TENM3: variants seen among roughly 807,000 people sequenced by gnomAD.
TENM3 encodes the protein teneurin-3.
TENM3 carries 63 observed loss-of-function variants against 255.1 expected under a neutral mutation model. The observed-to-expected ratio is 0.25, with a 90% CI of 0.20 to 0.30. The LOEUF (loss-of-function observed/expected upper bound fraction) is 0.30. TENM3 is among the 10% of genes least tolerant of loss of function. The pLI, the probability that TENM3 is intolerant of heterozygous loss-of-function variation, is 1.00. For missense variants in TENM3, 2,929 were observed against 3,461.1 expected (o/e 0.85, Z 3.86); for synonymous variants, 1,306 against 1,322.3 (o/e 0.99, Z 0.27).
chr4:182,800,257 G>C lies in TENM3; in HGVS notation c.8006G>C (p.Gly2669Ala). 5.6e-6 allele frequency: 9 copies of C among 1,594,344 alleles called. No homozygotes were observed. Among genetic ancestry groups the C allele is most frequent in the Non-Finnish European group, 7.6e-6 (9 of 1,178,448 alleles). ...LSAGKVQGYD[G>A]YYVLSVEQYP... ...GCCGGCAAGGTGCAGGGCTACGACG[G>C]GTACTACGTACTCTCGGTGGAGCAG... is the stretch of plus-strand genomic sequence containing the variant. The change falls in exon 28 of 28, where the codon GGG becomes GCG. Residue 2669 changes from glycine to alanine, a missense_variant. This residue lies in a region of TENM3 where 476 missense variants were observed against 480.1 expected (regional missense o/e 0.99). Transcript: ENST00000511685.
the TENM3 span, among the ~76,000 whole-genome samples, chr4:181,451,031 C>A: frequency 6.6e-6 from 1 of 152,152 alleles, no homozygotes; most frequent in Non-Finnish European, 1.5e-5. Flanking sequence ...GCTATCATCA[C>A]CGTTTGTTCT....
chr4:181,764,671 A>G, the TENM3 span, among the ~76,000 whole-genome samples: 1 of 152,118 alleles, frequency 6.6e-6, no homozygotes, highest in African/African-American at 2.4e-5. Context: ...TTAGAGAATG[A>G]ATGTACACAT....
the TENM3 span, among the ~76,000 whole-genome samples, chr4:181,623,522 A>G: frequency 2.0e-5 from 3 of 152,222 alleles, no homozygotes; most frequent in Non-Finnish European, 4.4e-5. Context: ...AAATTATTCC[A>G]TTATCAACTT....
chr4:182,324,497 G>A (rs1421004994), intron 2 of TENM3, among the ~76,000 whole-genome samples: 4 of 152,202 alleles, frequency 2.6e-5, no homozygotes, highest in Admixed American at 2.6e-4. Flanking sequence ...CCTGCTATAC[G>A]TGAGGTTTAT....
chr4:181,839,071 C>T, the TENM3 span, among the ~76,000 whole-genome samples: 5 of 151,332 alleles, frequency 3.3e-5, no homozygotes, highest in South Asian at 4.2e-4. Context: ...TTGGCTATTT[C>T]GTTTTTGTTC....
chr4:181,479,713 C>T, the TENM3 span, among the ~76,000 whole-genome samples: 1 of 152,050 alleles, frequency 6.6e-6, no homozygotes, highest in Non-Finnish European at 1.5e-5. Context: ...AGATAAACAT[C>T]TTTTGAACTG....
chr4:181,679,748 GAATTACACTAAATA>G, the TENM3 span, among the ~76,000 whole-genome samples: 2 of 152,104 alleles, frequency 1.3e-5, no homozygotes, highest in African/African-American at 4.8e-5. Context: ...TATTGCGACT[GAATTACACTAAATA>G]GTGCATTTGT....
chr4:182,554,869 T>C (rs1742423731), intron 3 of TENM3, among the ~76,000 whole-genome samples: 1 of 151,840 alleles, frequency 6.6e-6, no homozygotes, highest in African/African-American at 2.4e-5. Context: ...GTCCGTTTCC[T>C]TTTAAGCTTT....
chr4:181,754,284 T>TCACACA, the TENM3 span, among the ~76,000 whole-genome samples: 18,433 of 144,408 alleles, frequency 0.13, 1,415 homozygotes, highest in Middle Eastern at 0.2. Flanking sequence ...TATATCCCAG[T>TCACACA]CACACACACA....
intron 3 of TENM3, among the ~76,000 whole-genome samples, chr4:182,498,732 G>A (rs1486003620): frequency 6.6e-6 from 1 of 152,124 alleles, no homozygotes; most frequent in Non-Finnish European, 1.5e-5. Flanking sequence ...GCGTGTGCCT[G>A]TAATCCCAGC....
chr4:181,768,811 T>C, the TENM3 span, among the ~76,000 whole-genome samples: 6 of 152,228 alleles, frequency 3.9e-5, no homozygotes, highest in African/African-American at 1.2e-4. Context: ...CTCAATCTTA[T>C]AGGCAATTAA....
intron 6 of TENM3, among the ~76,000 whole-genome samples, chr4:182,667,028 G>A (rs552875072): frequency 2.0e-5 from 3 of 152,244 alleles, no homozygotes; most frequent in African/African-American, 7.2e-5. Flanking sequence ...CTGCTTTATT[G>A]TGGTGGTCTG....
chr4:181,721,582 A>C, the TENM3 span, among the ~76,000 whole-genome samples: 1 of 31,562 alleles, frequency 3.2e-5, no homozygotes, highest in African/African-American at 9.2e-5. Context: ...CCTGGGCGAC[A>C]GAGCGAGACT....
At chr4:181,713,007 A>G in the TENM3 span, among the ~76,000 whole-genome samples, 18 of 152,280 alleles carry the variant, frequency 1.2e-4, no homozygotes, top group Admixed American at 9.2e-4. Flanking sequence ...CATCATCACT[A>G]TGAACATTCA....
At chr4:182,746,918 T>C (rs1416703566) in intron 19 of TENM3, among the ~76,000 whole-genome samples, 1 of 152,188 alleles carries the variant, frequency 6.6e-6, no homozygotes, top group African/African-American at 2.4e-5. Context: ...AGTAATAAAA[T>C]TGACCTAGCA....
chr4:182,677,549 A>G (rs970124393), intron 7 of TENM3, among the ~76,000 whole-genome samples: 3 of 152,208 alleles, frequency 2.0e-5, no homozygotes, highest in African/African-American at 7.2e-5. Flanking sequence ...AGACAGAGTC[A>G]CCATTCAAAA....
At chr4:182,498,614 G>T (rs918063720) in intron 3 of TENM3, among the ~76,000 whole-genome samples, 1 of 152,174 alleles carries the variant, frequency 6.6e-6, no homozygotes, top group Non-Finnish European at 1.5e-5. Context: ...AGCACTTTGT[G>T]AGGCCGAGGC....
At chr4:182,282,083 G>T (rs1210799196) in intron 1 of TENM3, among the ~76,000 whole-genome samples, 8 of 152,212 alleles carry the variant, frequency 5.3e-5, no homozygotes, top group Non-Finnish European at 1.0e-4. Flanking sequence ...GGTAATTATT[G>T]TCCAGCAATT....
chr4:181,856,392 G>A, the TENM3 span, among the ~76,000 whole-genome samples: 1 of 152,104 alleles, frequency 6.6e-6, no homozygotes, highest in Non-Finnish European at 1.5e-5. Flanking sequence ...CCTTCTAAGT[G>A]CATGAGCTCT....
Sources: gnomAD v4.1 joint callset for allele counts (sites outside exome capture counted in the v4.1 genomes callset) on GRCh38, gnomAD v4.1.1 for gene constraint, gnomAD v4.1.1 regional missense constraint, MANE v1.5 for transcripts, NCBI Gene and HGNC (gene_info 2026-07-23, HGNC 2026-07-21) for gene names.